RAPGEF4: variants seen among roughly 807,000 people sequenced by gnomAD.
The protein encoded by RAPGEF4 is Rap guanine nucleotide exchange factor 4.
RAPGEF4 carries 66 observed loss-of-function variants against 147.9 expected under a neutral mutation model. That is an observed-to-expected ratio of 0.45 (90% CI 0.37 to 0.55). The LOEUF is 0.55. RAPGEF4 is among the 20% of genes least tolerant of loss of function. RAPGEF4 has a pLI of 0.00. For synonymous variants in RAPGEF4, 419 were observed against 442.7 expected (o/e 0.95, Z 0.67); for missense variants, 1,071 against 1,257.3 (o/e 0.85, Z 2.24).
chr2:173,014,340 G>T, intron 17 of RAPGEF4, 124 bp from the exon 18 acceptor site: 1 of 1,212,398 alleles, frequency 8.2e-7, no homozygotes, highest in Non-Finnish European at 1.2e-6. Context: ...GAGGGCCTAG[G>T]GGAGGAATTC....
chr2:172,911,758 CTTTTTTTTTTTTT>C (rs34659758), intron 4 of RAPGEF4, among the ~76,000 whole-genome samples: 1 of 63,220 alleles, frequency 1.6e-5, no homozygotes, highest in African/African-American at 7.1e-5. Context: ...TGTGCTAAGC[CTTTTTTTTTTTTT>C]TTTTTTTTTT....
At chr2:172,883,820 A>G (rs1208452168) in intron 4 of RAPGEF4, among the ~76,000 whole-genome samples, 2 of 152,148 alleles carry the variant, frequency 1.3e-5, no homozygotes, top group African/African-American at 4.8e-5. Flanking sequence ...GACTTCAAGC[A>G]GTGTGAAGAT....
chr2:172,784,765 A>G (rs1435503833), intron 1 of RAPGEF4, among the ~76,000 whole-genome samples: 2 of 152,172 alleles, frequency 1.3e-5, no homozygotes, highest in African/African-American at 2.4e-5. Context: ...TTATAAATAC[A>G]TGATTTTAGC....
intron 6 of RAPGEF4, among the ~76,000 whole-genome samples, chr2:172,934,898 C>A (rs62174632): frequency 6.6e-6 from 1 of 152,064 alleles, no homozygotes; most frequent in Non-Finnish European, 1.5e-5. Context: ...AACAAGAGGC[C>A]GGGGGTGGTA....
chr2:172,864,623 GC>G (rs1298411067), intron 4 of RAPGEF4, among the ~76,000 whole-genome samples: 1 of 152,222 alleles, frequency 6.6e-6, no homozygotes, highest in Non-Finnish European at 1.5e-5. Flanking sequence ...GGAGTTATTG[GC>G]CGGGCACAGC....
At chr2:172,993,163 A>G (rs1466496802) in intron 15 of RAPGEF4, among the ~76,000 whole-genome samples, 1 of 152,030 alleles carries the variant, frequency 6.6e-6, no homozygotes, top group Non-Finnish European at 1.5e-5. Context: ...AAACCTCCTG[A>G]CTCTACCTAA....
At chr2:172,826,614 C>T (rs897418499) in intron 4 of RAPGEF4, among the ~76,000 whole-genome samples, 1 of 152,140 alleles carries the variant, frequency 6.6e-6, no homozygotes, top group Admixed American at 6.5e-5. Context: ...AGAGATACAC[C>T]TGTTCCCAGG....
At chr2:172,916,213 A>G (rs900660839) in intron 4 of RAPGEF4, among the ~76,000 whole-genome samples, 7 of 152,214 alleles carry the variant, frequency 4.6e-5, no homozygotes, top group Non-Finnish European at 8.8e-5. Flanking sequence ...CGTGGAGCTC[A>G]TGGGGATTGA....
chr2:173,009,636 G>A (rs1694822976), intron 17 of RAPGEF4, among the ~76,000 whole-genome samples: 1 of 152,116 alleles, frequency 6.6e-6, no homozygotes, highest in African/African-American at 2.4e-5. Flanking sequence ...CAAGCCTTTG[G>A]GAAAAGAGAT....
At chr2:172,927,903 C>T (rs1293991734) in intron 6 of RAPGEF4, among the ~76,000 whole-genome samples, 1 of 152,212 alleles carries the variant, frequency 6.6e-6, no homozygotes. Flanking sequence ...TCACGTGTAA[C>T]TGGCCAGGGT....
chr2:172,853,232 AT>A (rs1693057273), intron 4 of RAPGEF4, among the ~76,000 whole-genome samples: 5 of 151,988 alleles, frequency 3.3e-5, no homozygotes, highest in Non-Finnish European at 7.4e-5. Context: ...TTCCATAAAT[AT>A]TTGATAGAAT....
chr2:172,909,932 C>T (rs147548258), intron 4 of RAPGEF4, among the ~76,000 whole-genome samples: 124 of 152,194 alleles, frequency 8.1e-4, no homozygotes, highest in African/African-American at 2.5e-3. Context: ...GATTTTACAG[C>T]GGAAGGGAAT....
intron 22 of RAPGEF4, among the ~76,000 whole-genome samples, chr2:173,019,348 C>T (rs980712540): frequency 4.6e-5 from 7 of 152,168 alleles, no homozygotes; most frequent in African/African-American, 9.7e-5. Context: ...GTCATTTATT[C>T]GTTCATCACA....
At chr2:172,836,751 G>A (rs1453687723) in intron 4 of RAPGEF4, among the ~76,000 whole-genome samples, 3 of 152,222 alleles carry the variant, frequency 2.0e-5, no homozygotes, top group Non-Finnish European at 4.4e-5. Flanking sequence ...GCTGGAAATA[G>A]CTCGTGGCTA....
At chr2:172,948,576 G>T (rs1415950168) in intron 6 of RAPGEF4, among the ~76,000 whole-genome samples, 1 of 152,088 alleles carries the variant, frequency 6.6e-6, no homozygotes, top group Non-Finnish European at 1.5e-5. Flanking sequence ...AAATATAAAG[G>T]TGTCCACTTG....
chr2:172,925,282 A>G lies in RAPGEF4; in HGVS notation c.537+2982A>G, dbSNP rs540915770. On this transcript the variant is annotated intron_variant, in intron 6 of 30. Coordinates refer to ENST00000397081, the MANE Select transcript of RAPGEF4 (RefSeq NM_007023.4). ...GTGTGAGCCACCACACCCAGCCACC[A>G]TGTTTAACTTTTAATAAAATATGCA... Among the ~76,000 whole-genome samples the G allele has an allele frequency of 1.4e-4, 21 of 152,310 alleles. 2 individuals carry two copies. Among genetic ancestry groups the G allele is most frequent in the Admixed American group, 1.1e-3 (17 of 15,302 alleles).
rs79563488 is a variant in RAPGEF4 at position 172,938,116 on chromosome 2, C to T, written c.537+15816C>T. Among the ~76,000 whole-genome samples, 91 of 152,130 alleles carry T rather than the reference C, an allele frequency of 6.0e-4. 1 individual carries two copies. Among genetic ancestry groups the T allele is most frequent in the African/African-American group, 2.1e-3 (89 of 41,510 alleles). ...GTGTTAGCAAGATCTTGGCGCTAGG[C>T]GTGCTGTTGCTACTAGGATATCTTA... is the stretch of plus-strand genomic sequence containing the variant. On this transcript the variant is annotated intron_variant, in intron 6 of 30. Coordinates refer to ENST00000397081, the MANE Select transcript of RAPGEF4 (RefSeq NM_007023.4).
intron 15 of RAPGEF4, among the ~76,000 whole-genome samples, chr2:172,995,241 CTGTTTGTG>C (rs1693216035): frequency 1.8e-5 from 2 of 112,818 alleles, no homozygotes; most frequent in African/African-American, 6.8e-5. Context: ...TTTTACTTGC[CTGTTTGTG>C]TGTGTGTGTG....
intron 1 of RAPGEF4, among the ~76,000 whole-genome samples, chr2:172,737,758 A>C (rs1181900539): frequency 2.0e-5 from 3 of 147,790 alleles, no homozygotes; most frequent in African/African-American, 7.3e-5. Context: ...CAGAAGAGTC[A>C]GATGAGTGGA....
Sources: allele counts gnomAD v4.1 joint callset (sites outside exome capture counted in the v4.1 genomes callset), GRCh38; gene constraint gnomAD v4.1.1; transcripts MANE v1.5; gene names NCBI Gene and HGNC (gene_info 2026-07-23, HGNC 2026-07-21).